GLIS3: variants seen among roughly 807,000 people sequenced by gnomAD.
GLIS3 encodes zinc finger protein GLIS3.
A neutral mutation model predicts 78.6 loss-of-function variants in GLIS3; 53 were observed. That is an observed-to-expected ratio of 0.67 (90% CI 0.54 to 0.85). The LOEUF (loss-of-function observed/expected upper bound fraction) is 0.85, where lower values mean the gene tolerates loss of function less well. Among genes scored for constraint, GLIS3 ranks in the 40% least tolerant of loss-of-function variants. The probability of loss-of-function intolerance (pLI) is 0.00; values close to 1 mark genes in which losing one functional copy is unlikely to be tolerated. For synonymous variants in GLIS3, 684 were observed against 509.9 expected (o/e 1.34, Z -4.60); for missense variants, 1,703 against 1,231.1 (o/e 1.38, Z -5.74).
the GLIS3 span, among the ~76,000 whole-genome samples, chr9:4,367,908 A>C: frequency 1.3e-5 from 2 of 152,206 alleles, no homozygotes; most frequent in Non-Finnish European, 2.9e-5. Context: ...CTTCAATTTT[A>C]TAGTGAGGAA....
intron 2 of GLIS3, among the ~76,000 whole-genome samples, chr9:4,212,718 G>C (rs367931929): frequency 6.6e-6 from 1 of 152,168 alleles, no homozygotes; most frequent in Non-Finnish European, 1.5e-5. Context: ...CAGAAGCCTA[G>C]AGGCAAGAGA....
chr9:4,286,448 C>G lies in GLIS3; in HGVS notation c.-23G>C. Reference sequence around the variant, plus strand: ...CATTCTGAAAAACCTGTGGCCAAGACGGTCAAATATCCAATGTCACTAATG... The same window carrying G: ...CATTCTGAAAAACCTGTGGCCAAGAGGGTCAAATATCCAATGTCACTAATG... On this transcript the variant is annotated 5_prime_UTR_variant, in exon 2 of 11. Transcript: ENST00000381971. The G allele has an allele frequency of 1.2e-6, 2 of 1,612,822 alleles. No individual in the cohort carries two copies. The highest frequency in any genetic ancestry group is 1.7e-6 in the Non-Finnish European group (2 of 1,179,958).
chr9:4,130,322 C>G (rs1163914470), intron 2 of GLIS3, among the ~76,000 whole-genome samples: 1 of 152,198 alleles, frequency 6.6e-6, no homozygotes, highest in African/African-American at 2.4e-5. Flanking sequence ...TAAGTAAAGA[C>G]AAGGCAAGTA....
chr9:4,334,477 T>C (rs912268352), intron 2 of GLIS3, among the ~76,000 whole-genome samples: 3 of 152,186 alleles, frequency 2.0e-5, no homozygotes, highest in African/African-American at 7.2e-5. Context: ...TGCAAATGCA[T>C]GTTCATTAAT....
intron 4 of GLIS3, among the ~76,000 whole-genome samples, chr9:3,955,500 C>A (rs1288332793): frequency 6.6e-6 from 1 of 151,914 alleles, no homozygotes; most frequent in Admixed American, 6.6e-5. Context: ...TGTTGTGACA[C>A]CACAAGAGAT....
the GLIS3 span, among the ~76,000 whole-genome samples, chr9:4,353,864 G>A: frequency 1.3e-5 from 2 of 152,168 alleles, no homozygotes; most frequent in African/African-American, 2.4e-5. Context: ...CAGGAAATCT[G>A]TCGCCCAGGA....
rs1196063494 is a variant in GLIS3, at chr9:4,286,202, G to A, written c.224C>T (p.Ala75Val). The A allele has an allele frequency of 6.2e-7, 1 of 1,614,202 alleles. No homozygotes were observed. Among genetic ancestry groups the A allele is most frequent in the East Asian group, 2.2e-5 (1 of 44,880 alleles). ...GGGMAPQNNV[A>V]ESRIHLPALS... Reference sequence around the variant, plus strand: ...GGCAGGCAGATGGATGCGGCTCTCAGCCACGTTGTTCTGAGGAGCCATCCC... The same window carrying A: ...GGCAGGCAGATGGATGCGGCTCTCAACCACGTTGTTCTGAGGAGCCATCCC... The change falls in exon 2 of 11, where the codon GCT (alanine) becomes GTT (valine). Residue 75 changes from alanine (A) to valine (V), a missense_variant. Ala to Val is a moderately conservative substitution (Grantham distance 64). Transcript: ENST00000381971.
intron 4 of GLIS3, among the ~76,000 whole-genome samples, chr9:4,308,014 T>C (rs531455903): frequency 6.6e-6 from 1 of 152,202 alleles, no homozygotes; most frequent in South Asian, 2.1e-4. Context: ...CTCTCCCTTC[T>C]CCCCCAGAAC....
chr9:4,268,017 A>G (rs1052266629), intron 2 of GLIS3, among the ~76,000 whole-genome samples: 1 of 151,968 alleles, frequency 6.6e-6, no homozygotes, highest in African/African-American at 2.4e-5. Flanking sequence ...ATATACATAG[A>G]TGTGTATATA....
intron 4 of GLIS3, among the ~76,000 whole-genome samples, chr9:4,076,455 G>A (rs1276815024): frequency 6.6e-6 from 1 of 152,022 alleles, no homozygotes; most frequent in African/African-American, 2.4e-5. Context: ...GTTTTGTTCT[G>A]AGTACCACAT....
intron 2 of GLIS3, among the ~76,000 whole-genome samples, chr9:4,321,855 T>C (rs1817534383): frequency 2.0e-5 from 3 of 152,090 alleles, no homozygotes; most frequent in Admixed American, 2.0e-4. Flanking sequence ...ATTATAGGTG[T>C]ACACTACCAC....
At chr9:4,271,359 C>A (rs774223107) in intron 2 of GLIS3, among the ~76,000 whole-genome samples, 30 of 152,238 alleles carry the variant, frequency 2.0e-4, no homozygotes, top group Middle Eastern at 3.4e-3. Flanking sequence ...AAGTTACACA[C>A]AAATTTCAAC....
rs1470936699 is a variant in GLIS3 at position 4,286,115 on chromosome 9, C to G, written c.311G>C (p.Gly104Ala). Reference sequence around the variant, plus strand: ...TAAAGTATGTGACCCTGACATGCCTCCAGCCTGGGTGACCTGGAATCGCGG... The same window carrying G: ...TAAAGTATGTGACCCTGACATGCCTGCAGCCTGGGTGACCTGGAATCGCGG... ...GKPRFQVTQA[G>A]GMSGSHTLKP... The change falls in exon 2 of 11, where the codon GGA becomes GCA. Residue 104 changes from glycine to alanine, a missense_variant. Gly to Ala is a moderately conservative substitution (Grantham distance 60, BLOSUM62 0). Transcript: ENST00000381971. 2 of 1,613,598 alleles carry G rather than the reference C, an allele frequency of 1.2e-6. No homozygotes were observed.
At chr9:4,370,231 C>T in the GLIS3 span, among the ~76,000 whole-genome samples, 1 of 150,048 alleles carries the variant, frequency 6.7e-6, no homozygotes, top group South Asian at 2.1e-4. Flanking sequence ...ACAATATAAC[C>T]AAAAGTTCAA....
the GLIS3 span, among the ~76,000 whole-genome samples, chr9:4,489,869 C>T: frequency 6.6e-6 from 1 of 152,238 alleles, no homozygotes; most frequent in Non-Finnish European, 1.5e-5. Context: ...AAATCACCTC[C>T]AGCGACTCGA....
intron 8 of GLIS3, among the ~76,000 whole-genome samples, chr9:3,866,233 A>G (rs1004838916): frequency 1.3e-5 from 2 of 152,212 alleles, no homozygotes; most frequent in Non-Finnish European, 2.9e-5. Context: ...GTGCTCAGGG[A>G]GACTGGGGCC....
At chr9:4,012,035 G>A (rs144120249) in intron 4 of GLIS3, among the ~76,000 whole-genome samples, 49 of 152,164 alleles carry the variant, frequency 3.2e-4, no homozygotes, top group Admixed American at 1.5e-3. Flanking sequence ...AAGCCTTCCC[G>A]TAAAACAAAC....
At chr9:4,190,127 T>C (rs1181922218) in intron 2 of GLIS3, among the ~76,000 whole-genome samples, 1 of 151,938 alleles carries the variant, frequency 6.6e-6, no homozygotes, top group Non-Finnish European at 1.5e-5. Flanking sequence ...GCAGAGCGCC[T>C]CTCCTCCTCC....
chr9:4,473,959 C>G, the GLIS3 span, among the ~76,000 whole-genome samples: 1 of 152,116 alleles, frequency 6.6e-6, no homozygotes, highest in Non-Finnish European at 1.5e-5. Context: ...AATAGACCAG[C>G]TTCATGTATT....
Sources: gnomAD v4.1 joint callset for allele counts (sites outside exome capture counted in the v4.1 genomes callset) on GRCh38, gnomAD v4.1.1 for gene constraint, MANE v1.5 for transcripts, NCBI Gene and HGNC (gene_info 2026-07-23, HGNC 2026-07-21) for gene names.